The following ZSWIM5 variants were observed in gnomAD, a reference collection of about 807,000 sequenced individuals.
The protein encoded by ZSWIM5 is zinc finger SWIM-type containing 5.
Under a neutral mutation model 119.6 loss-of-function variants are expected in ZSWIM5, and 55 were observed. That is an observed-to-expected ratio of 0.46 (90% CI 0.37 to 0.58). The LOEUF (loss-of-function observed/expected upper bound fraction) is 0.58. Ranked by LOEUF, ZSWIM5 falls within the 20% of genes least tolerant of loss-of-function variation. The pLI, the probability that ZSWIM5 is intolerant of heterozygous loss-of-function variation, is 0.00. For synonymous variants in ZSWIM5, 537 were observed against 606.9 expected, an observed-to-expected ratio of 0.88 and a Z score of 1.69; for missense variants, 1,193 against 1,512.8, an observed-to-expected ratio of 0.79 and a Z score of 3.51.
chr1:45,020,054 T>A lies in ZSWIM5; in HGVS notation c.2695+12A>T. 1 of 1,612,936 alleles carries A rather than the reference T, an allele frequency of 6.2e-7. No homozygotes were observed. Among genetic ancestry groups the A allele is most frequent in the Non-Finnish European group, 8.5e-7 (1 of 1,179,292 alleles). On this transcript the variant is annotated intron_variant, in intron 13 of 13. Coordinates refer to ENST00000359600, the MANE Select transcript of ZSWIM5 (RefSeq NM_020883.2). The stretch of plus-strand genomic sequence containing the variant: ...CCTTTCCCCTGGGGGTAGAGGGAGG[T>A]GGGAGACTCACCCACTTCTGTAGCA...
intron 10 of ZSWIM5, among the ~76,000 whole-genome samples, chr1:45,034,711 G>C (rs1377486370): frequency 6.6e-6 from 1 of 152,174 alleles, no homozygotes; most frequent in Non-Finnish European, 1.5e-5. Context: ...AAGAGCTATC[G>C]GGTTGAATAG....
intron 1 of ZSWIM5, among the ~76,000 whole-genome samples, chr1:45,154,798 C>T (rs905000291): frequency 6.6e-6 from 1 of 152,146 alleles, no homozygotes; most frequent in Non-Finnish European, 1.5e-5. Flanking sequence ...AGGAGAATCA[C>T]TTGCATCCAG....
chr1:45,196,171 G>C (rs984083015), intron 1 of ZSWIM5, among the ~76,000 whole-genome samples: 9 of 150,984 alleles, frequency 6.0e-5, no homozygotes, highest in African/African-American at 2.2e-4. Flanking sequence ...CACCAAGCCT[G>C]GCCAGGTGAT....
intron 2 of ZSWIM5, among the ~76,000 whole-genome samples, chr1:45,084,741 G>A (rs532598837): frequency 3.9e-5 from 6 of 152,204 alleles, no homozygotes; most frequent in African/African-American, 9.6e-5. Context: ...TCACATCCAC[G>A]TGACAGTGAT....
chr1:45,031,822 G>A (rs1436708868), intron 11 of ZSWIM5, among the ~76,000 whole-genome samples: 5 of 141,892 alleles, frequency 3.5e-5, no homozygotes, highest in East Asian at 2.0e-4. Flanking sequence ...CCTGGGCAAC[G>A]GAGTAAGACT....
chr1:45,052,721 C>T (rs1045155610), intron 4 of ZSWIM5, among the ~76,000 whole-genome samples: 14 of 149,240 alleles, frequency 9.4e-5, no homozygotes, highest in African/African-American at 3.2e-4. Flanking sequence ...TACAGTGAGC[C>T]GAGATCACAC....
chr1:45,184,853 C>A (rs899108376), intron 1 of ZSWIM5, among the ~76,000 whole-genome samples: 39 of 151,854 alleles, frequency 2.6e-4, no homozygotes, highest in East Asian at 9.7e-4. Context: ...CAATGCCATC[C>A]CCATCAAGCT....
intron 5 of ZSWIM5, among the ~76,000 whole-genome samples, chr1:45,044,790 A>C (rs796254489): frequency 2.9e-3 from 2 of 690 alleles, no homozygotes; most frequent in African/African-American, 6.8e-3. Context: ...TATATATATA[A>C]ATATATATAT....
intron 4 of ZSWIM5, among the ~76,000 whole-genome samples, chr1:45,054,967 A>G (rs980177379): frequency 2.6e-5 from 4 of 152,128 alleles, no homozygotes; most frequent in Non-Finnish European, 5.9e-5. Flanking sequence ...CTGGCATTAC[A>G]GGCACCTGCC....
chr1:45,066,614 G>C (rs1266210387), intron 2 of ZSWIM5, among the ~76,000 whole-genome samples: 1 of 152,200 alleles, frequency 6.6e-6, no homozygotes, highest in Non-Finnish European at 1.5e-5. Flanking sequence ...GATAGAAATA[G>C]TATGGGAAAG....
At chr1:45,161,400 C>T (rs892237512) in intron 1 of ZSWIM5, among the ~76,000 whole-genome samples, 2 of 152,168 alleles carry the variant, frequency 1.3e-5, no homozygotes, top group African/African-American at 4.8e-5. Context: ...CTTCTCTCTG[C>T]ATCCTTGCAA....
chr1:45,034,939 G>A (rs1463620486), intron 10 of ZSWIM5, among the ~76,000 whole-genome samples: 1 of 152,012 alleles, frequency 6.6e-6, no homozygotes, highest in East Asian at 1.9e-4. Context: ...GCACCAACAT[G>A]CCTGGCTAAT....
intron 4 of ZSWIM5, 22 bp downstream of exon 4, chr1:45,058,587 T>G (rs1446538711): frequency 6.2e-7 from 1 of 1,614,002 alleles, no homozygotes; most frequent in Admixed American, 1.7e-5. Context: ...ACAAAGCACT[T>G]CTCTGAATGA....
chr1:45,036,354 CTTTTTT>C (rs34704739), intron 8 of ZSWIM5, 55 bp from the exon 9 acceptor site: 95 of 1,292,784 alleles, frequency 7.3e-5, no homozygotes, highest in Admixed American at 1.7e-4. Flanking sequence ...AGTCTTCTTT[CTTTTTT>C]TTTTTTTTTT....
At chr1:45,061,814 G>C (rs1489449394) in intron 2 of ZSWIM5, among the ~76,000 whole-genome samples, 2 of 150,934 alleles carry the variant, frequency 1.3e-5, no homozygotes, top group African/African-American at 4.9e-5. Flanking sequence ...TTATTGGTTG[G>C]GTGCAGTGGC....
At chr1:45,191,796 G>GTT (rs1022428304) in intron 1 of ZSWIM5, among the ~76,000 whole-genome samples, 2 of 152,088 alleles carry the variant, frequency 1.3e-5, no homozygotes, top group African/African-American at 4.8e-5. Flanking sequence ...ATGTTTGAAG[G>GTT]TTTTCCTTTC....
intron 11 of ZSWIM5, among the ~76,000 whole-genome samples, chr1:45,022,030 A>AT (rs556561199): frequency 6.6e-6 from 1 of 151,322 alleles, no homozygotes; most frequent in Non-Finnish European, 1.5e-5. Flanking sequence ...TCAAAAAAAA[A>AT]AAAATAAATA....
chr1:45,115,811 G>C (rs1645553598), intron 1 of ZSWIM5, among the ~76,000 whole-genome samples: 1 of 152,092 alleles, frequency 6.6e-6, no homozygotes, highest in African/African-American at 2.4e-5. Context: ...CCAGACGATG[G>C]GCGGCCAGGC....
At chr1:45,193,139 T>C (rs1271143151) in intron 1 of ZSWIM5, among the ~76,000 whole-genome samples, 1 of 152,146 alleles carries the variant, frequency 6.6e-6, no homozygotes, top group Non-Finnish European at 1.5e-5. Flanking sequence ...TTTGGATTAT[T>C]TGGAAGTGCT....
Sources: gnomAD v4.1 joint callset for allele counts (sites outside exome capture counted in the v4.1 genomes callset) on GRCh38, gnomAD v4.1.1 for gene constraint, MANE v1.5 for transcripts, NCBI Gene and HGNC (gene_info 2026-07-23, HGNC 2026-07-21) for gene names.